NCKAP5: variants seen among roughly 807,000 people sequenced by gnomAD.
NCKAP5 encodes the protein nck-associated protein 5.
A neutral mutation model predicts 167.0 loss-of-function variants in NCKAP5; 92 were observed. The ratio of observed to expected loss-of-function variants is 0.55; its 90% CI spans 0.47 to 0.66. NCKAP5 has a LOEUF of 0.66. Among genes scored for constraint, NCKAP5 ranks in the 30% least tolerant of loss-of-function variants. The pLI is 0.00. For synonymous variants in NCKAP5, 891 were observed against 877.4 expected (o/e 1.02, Z -0.27); for missense variants, 2,378 against 2,315.0 (o/e 1.03, Z -0.56).
chr2:133,086,115 G>A (rs189878855), intron 6 of NCKAP5, among the ~76,000 whole-genome samples: 159 of 152,278 alleles, frequency 1.0e-3, no homozygotes, highest in Non-Finnish European at 1.6e-3. Context: ...TGAGCAAGTT[G>A]TAGGAGCTGC....
chr2:133,493,696 T>C (rs1681675566), intron 3 of NCKAP5, among the ~76,000 whole-genome samples: 1 of 152,254 alleles, frequency 6.6e-6, no homozygotes, highest in Admixed American at 6.5e-5. Context: ...CATCGTCATC[T>C]ACACAATTAA....
chr2:133,219,935 G>A (rs1279547444), intron 4 of NCKAP5, among the ~76,000 whole-genome samples: 2 of 152,030 alleles, frequency 1.3e-5, no homozygotes, highest in African/African-American at 4.8e-5. Context: ...ATTTGTCCTT[G>A]CGTTTAGTAG....
At chr2:133,562,382 T>G (rs932386863) in intron 1 of NCKAP5, among the ~76,000 whole-genome samples, 4 of 152,212 alleles carry the variant, frequency 2.6e-5, no homozygotes, top group African/African-American at 9.6e-5. Flanking sequence ...ACTTTGACTT[T>G]TTAAGTTGCT....
Position 133,121,297 on chromosome 2 carries a change from T to C in NCKAP5, c.341+8681A>G, listed in dbSNP as rs1169991678. Among the ~76,000 whole-genome samples, 9 of 152,140 alleles carry C rather than the reference T, an allele frequency of 5.9e-5. No homozygotes were observed. In the East Asian group the frequency reaches 1.5e-3, roughly 26 times the overall value. On this transcript the variant is annotated intron_variant, in intron 6 of 19. Transcript: ENST00000409261. Reference sequence around the variant, plus strand: ...AAACTTAAAAGACATATCCAGTTGTTTTTTTAACAGATGCACAAGACTAAA... The same window carrying C: ...AAACTTAAAAGACATATCCAGTTGTCTTTTTAACAGATGCACAAGACTAAA...
chr2:133,093,471 C>T (rs960054217), intron 6 of NCKAP5, among the ~76,000 whole-genome samples: 6 of 152,184 alleles, frequency 3.9e-5, no homozygotes, highest in African/African-American at 1.2e-4. Flanking sequence ...GCACAAAACT[C>T]AAAGTCAGTA....
chr2:132,681,126 T>C (rs772899405), intron 19 of NCKAP5, among the ~76,000 whole-genome samples: 17 of 152,092 alleles, frequency 1.1e-4, no homozygotes, highest in African/African-American at 4.8e-5. Context: ...TGTTGTTAGA[T>C]TCCTTTTTCT....
At position 132,781,994 on chromosome 2, in the gene NCKAP5, T is replaced by C; in HGVS notation, c.4817A>G (p.His1606Arg). Residue 1606 changes from histidine to arginine, a missense_variant, in exon 14 of 20, where the codon CAC (histidine) becomes CGC (arginine). Physicochemically the swap from His to Arg is conservative, Grantham distance 29 (BLOSUM62 0). Coordinates refer to ENST00000409261, the MANE Select transcript of NCKAP5 (RefSeq NM_207363.3). ...NQLKIEPRNR[H>R]SPVACSTKDT... ...TTTCGTTGAACATGCAACAGGGCTG[T>C]GTCTATTCCTTGGTTCAATCTTCAG... 1 of 1,613,950 alleles carries C rather than the reference T, an allele frequency of 6.2e-7. No homozygotes were observed. Among genetic ancestry groups the C allele is most frequent in the Non-Finnish European group, 8.5e-7 (1 of 1,179,874 alleles).
At chr2:133,607,726 G>T in the NCKAP5 span, among the ~76,000 whole-genome samples, 63 of 152,288 alleles carry the variant, frequency 4.1e-4, no homozygotes, top group African/African-American at 1.5e-3. Flanking sequence ...ATTTATTAAA[G>T]AAAACAGTGA....
chr2:133,069,616 T>C (rs2080320012), intron 6 of NCKAP5, among the ~76,000 whole-genome samples: 5 of 152,220 alleles, frequency 3.3e-5, no homozygotes, highest in Admixed American at 3.3e-4. Context: ...TATCATTGTA[T>C]CAAATAAGAC....
intron 8 of NCKAP5, among the ~76,000 whole-genome samples, chr2:132,903,860 C>T (rs1053188492): frequency 6.6e-6 from 1 of 152,104 alleles, no homozygotes; most frequent in African/African-American, 2.4e-5. Flanking sequence ...TTATGCAACC[C>T]ACACGTAATT....
chr2:133,367,415 A>G (rs567903532), intron 3 of NCKAP5, among the ~76,000 whole-genome samples: 42 of 152,342 alleles, frequency 2.8e-4, no homozygotes, highest in African/African-American at 9.9e-4. Flanking sequence ...TTTTATTTGA[A>G]TATGCTTTCT....
At chr2:133,313,304 C>T (rs1231455579) in intron 3 of NCKAP5, among the ~76,000 whole-genome samples, 1 of 152,166 alleles carries the variant, frequency 6.6e-6, no homozygotes, top group Non-Finnish European at 1.5e-5. Flanking sequence ...GCTTTGGTTC[C>T]ACTTTGATTT....
intron 3 of NCKAP5, among the ~76,000 whole-genome samples, chr2:133,450,839 C>G (rs533231845): frequency 6.6e-6 from 1 of 152,272 alleles, no homozygotes; most frequent in Non-Finnish European, 1.5e-5. Flanking sequence ...ATCCAGACTA[C>G]AGTTCTCCAC....
At chr2:132,711,506 A>C (rs1446498187) in intron 19 of NCKAP5, among the ~76,000 whole-genome samples, 2 of 152,186 alleles carry the variant, frequency 1.3e-5, no homozygotes. Flanking sequence ...AAATTAATTC[A>C]AGTTTCTTTG....
At chr2:133,313,380 T>C (rs1681381357) in intron 3 of NCKAP5, among the ~76,000 whole-genome samples, 1 of 145,322 alleles carries the variant, frequency 6.9e-6, no homozygotes, top group African/African-American at 2.7e-5. Context: ...AGTATTCTAT[T>C]CTATTAATAA....
At chr2:133,660,470 A>C in the NCKAP5 span, among the ~76,000 whole-genome samples, 1 of 152,302 alleles carries the variant, frequency 6.6e-6, no homozygotes, top group South Asian at 2.1e-4. Context: ...TTACAAAACT[A>C]TCTCGGGGTG....
At chr2:133,078,094 G>C (rs2080672775) in intron 6 of NCKAP5, among the ~76,000 whole-genome samples, 1 of 152,184 alleles carries the variant, frequency 6.6e-6, no homozygotes, top group African/African-American at 2.4e-5. Flanking sequence ...TGAGAGGGCT[G>C]TCCCAGACTA....
At chr2:132,860,025 G>A (rs1314757541) in intron 11 of NCKAP5, among the ~76,000 whole-genome samples, 2 of 152,120 alleles carry the variant, frequency 1.3e-5, no homozygotes, top group Admixed American at 6.5e-5. Flanking sequence ...AACAGGAGAC[G>A]TTCTGTTATA....
At chr2:133,162,870 C>T (rs2083853908) in intron 5 of NCKAP5, among the ~76,000 whole-genome samples, 1 of 151,910 alleles carries the variant, frequency 6.6e-6, no homozygotes, top group Non-Finnish European at 1.5e-5. Context: ...GAGTAAGATC[C>T]CCAAACAGTC....
Sources: allele counts gnomAD v4.1 joint callset (sites outside exome capture counted in the v4.1 genomes callset), GRCh38; gene constraint gnomAD v4.1.1; transcripts MANE v1.5; gene names NCBI Gene and HGNC (gene_info 2026-07-23, HGNC 2026-07-21).